The following CERS5 variants were observed in gnomAD, a reference collection of about 807,000 sequenced individuals.
The protein encoded by CERS5 is LAG1 homolog, ceramide synthase 5.
A neutral mutation model predicts 58.9 loss-of-function variants in CERS5; 37 were observed. The ratio of observed to expected loss-of-function variants is 0.63; its 90% CI spans 0.48 to 0.83. The LOEUF is 0.83. Ranked by LOEUF, CERS5 falls within the 40% of genes least tolerant of loss-of-function variation. CERS5 has a pLI of 0.00. For synonymous variants in CERS5, 147 were observed against 177.8 expected, an observed-to-expected ratio of 0.83 and a Z score of 1.38; for missense variants, 398 against 489.3, an observed-to-expected ratio of 0.81 and a Z score of 1.76.
chr12:50,134,719 A>C lies in CERS5; in HGVS notation c.873-17T>G. On this transcript the variant is annotated splice_polypyrimidine_tract_variant and intron_variant, in intron 8 of 9. Coordinates refer to ENST00000317551, the MANE Select transcript of CERS5 (RefSeq NM_147190.5). ...TTCAGAATCCTAGAAGAGGGAGGCC[A>C]ATAGTCAGATTCTAGAGTCAAAGCT... 6.2e-7 allele frequency: 1 copy of C among 1,607,052 alleles called. No homozygotes were observed. Among genetic ancestry groups the C allele is most frequent in the South Asian group, 1.1e-5 (1 of 90,478 alleles).
chr12:50,134,746 A>T (rs959824520), intron 8 of CERS5, 44 bp from the exon 9 acceptor site: 1 of 1,570,798 alleles, frequency 6.4e-7, no homozygotes, highest in Non-Finnish European at 8.7e-7. Context: ...GTCAAAGCTC[A>T]GCAGACAGGG....
chr12:50,154,280 G>T (rs1242825902), intron 1 of CERS5: 3 of 336,766 alleles, frequency 8.9e-6, no homozygotes, highest in Non-Finnish European at 1.8e-5. Flanking sequence ...TTGAACCAGG[G>T]AGTCGAAGGT....
chr12:50,138,502 G>T, intron 5 of CERS5, 65 bp downstream of exon 5: 1 of 1,340,860 alleles, frequency 7.5e-7, no homozygotes, highest in Non-Finnish European at 1.1e-6. Flanking sequence ...GACTGGCAAA[G>T]GACCCTCACT....
chr12:50,151,282 G>A (rs1318002584), intron 1 of CERS5, among the ~76,000 whole-genome samples: 5 of 152,164 alleles, frequency 3.3e-5, no homozygotes, highest in African/African-American at 1.2e-4. Flanking sequence ...ATGCTTTTCA[G>A]TCCTTTATCT....
At chr12:50,132,951 G>A (rs562918030) in intron 9 of CERS5, 100 of 1,288,878 alleles carry the variant, frequency 7.8e-5, no homozygotes, top group Middle Eastern at 4.2e-4. Flanking sequence ...TAGAAGCACA[G>A]ATACACTTAC....
At chr12:50,135,548 G>C in intron 8 of CERS5, 184 bp downstream of exon 8, 1 of 709,882 alleles carries the variant, frequency 1.4e-6, no homozygotes. Flanking sequence ...AGGCAGCAGA[G>C]GTCCTATGAG....
intron 1 of CERS5, among the ~76,000 whole-genome samples, chr12:50,155,650 T>C (rs1467436417): frequency 1.5e-5 from 2 of 137,200 alleles, no homozygotes; most frequent in African/African-American, 5.5e-5. Context: ...GGCAGGAGAA[T>C]GGCGTGAACC....
intron 9 of CERS5, among the ~76,000 whole-genome samples, chr12:50,131,503 G>T (rs1341713875): frequency 6.9e-6 from 1 of 145,794 alleles, no homozygotes; most frequent in Non-Finnish European, 1.5e-5. Context: ...AGGTTGCAGT[G>T]AGCTGAGATC....
Position 50,167,176 on chromosome 12 carries a change from T to TG in CERS5, c.121_122insC (p.Tyr41SerfsTer53). The TG allele has an allele frequency of 6.3e-7, 1 of 1,595,506 alleles. No individual in the cohort carries two copies. The highest frequency in any genetic ancestry group is 1.1e-5 in the South Asian group (1 of 90,076). ...CGAGAGGATGTGCCGGCCGCGGGGG[T>TG]AACCGTAGCCGTCGGCCGGCCCCTC... On this transcript the variant is annotated frameshift_variant, in exon 1 of 10. Transcript: ENST00000317551. LOFTEE classifies it high-confidence loss of function.
At chr12:50,132,943 G>A (rs1020164566) in intron 9 of CERS5, 1 of 1,288,834 alleles carries the variant, frequency 7.8e-7, no homozygotes, top group African/African-American at 1.5e-5. Flanking sequence ...CTGAATACTA[G>A]AAGCACAGAT....
chr12:50,142,187 C>A, intron 3 of CERS5, 77 bp from the exon 4 acceptor site: 1 of 928,346 alleles, frequency 1.1e-6, no homozygotes. Flanking sequence ...GTCAAGATAG[C>A]AAATTTGGGG....
At chr12:50,141,767 C>T (rs985006925) in intron 4 of CERS5, among the ~76,000 whole-genome samples, 2 of 151,784 alleles carry the variant, frequency 1.3e-5, no homozygotes, top group East Asian at 1.9e-4. Flanking sequence ...GGTGAAACCC[C>T]GTCTCTACTA....
At chr12:50,165,092 T>G (rs1032131182) in intron 1 of CERS5, 6 of 151,728 alleles carry the variant, frequency 4.0e-5, no homozygotes, top group Non-Finnish European at 7.4e-5. Flanking sequence ...GTGCCTCCAC[T>G]CCAGGATGAC....
rs1197474516 is a variant in CERS5, at chr12:50,156,437, T to TATATATATATATATATATATATAA, written c.197+10663_197+10664insTTATATATATATATATATATATAT. Among the ~76,000 whole-genome samples, 169 of 108,820 alleles carry TATATATATATATATATATATATAA rather than the reference T, an allele frequency of 1.6e-3. 15 individuals carry two copies. Among genetic ancestry groups the TATATATATATATATATATATATAA allele is most frequent in the Non-Finnish European group, 2.5e-3 (121 of 48,590 alleles). The allele number at this position is 108,820 out of a possible 152,430, so 71.4% of individuals were successfully genotyped here. A position where few individuals can be genotyped will look rare whatever the true frequency, so the allele number is the denominator to read the frequency against. ...CAAACAAACTATATATATATATATA[T>TATATATATATATATATATATATAA]AAAACAATTAGTAGCCAGGTGTGGT... On this transcript the variant is annotated intron_variant, in intron 1 of 9. Coordinates refer to ENST00000317551, the MANE Select transcript of CERS5 (RefSeq NM_147190.5).
intron 4 of CERS5, 123 bp from the exon 5 acceptor site, chr12:50,138,740 T>C: frequency 1.2e-6 from 1 of 804,676 alleles, no homozygotes; most frequent in East Asian, 2.4e-5. Context: ...CCCAAACAGA[T>C]TTTAGGGCTC....
rs765182768 is a variant in CERS5 at position 50,135,993 on chromosome 12, C to T, written c.713G>A (p.Arg238Gln). 5.9e-6 allele frequency: 9 copies of T among 1,522,154 alleles called. No homozygotes were observed. In the East Asian group the frequency reaches 6.8e-5, roughly 11 times the overall value. 94.3% of individuals were successfully genotyped at this position (1,522,154 alleles called of 1,614,324 possible). The change falls in exon 7 of 10, where the codon CGA (arginine) becomes CAA (glutamine). Residue 238 changes from arginine to glutamine, a missense_variant. Physicochemically the swap from Arg to Gln is conservative, Grantham distance 43. Transcript: ENST00000317551. ...TAGACACATGATCAGAGTTCCCACT[C>T]GAACCATATTGTTGATGTAGGAGAA... is the stretch of plus-strand genomic sequence containing the variant. ...ISFSYINNMV[R>Q]VGTLIMCLHD...
chr12:50,160,534 A>G (rs909331244), intron 1 of CERS5, among the ~76,000 whole-genome samples: 9 of 152,126 alleles, frequency 5.9e-5, no homozygotes. Context: ...AGCAGCGGTG[A>G]AAGCTCTCAG....
intron 8 of CERS5, among the ~76,000 whole-genome samples, chr12:50,135,205 AGGAGAGG>A (rs1420663578): frequency 2.3e-5 from 1 of 44,370 alleles, no homozygotes; most frequent in African/African-American, 1.1e-4. Context: ...AGAGAGAGAG[AGGAGAGG>A]GAGGGAGAGA....
chr12:50,134,305 G>T, intron 9 of CERS5: 1 of 986,074 alleles, frequency 1.0e-6, no homozygotes, highest in Non-Finnish European at 1.4e-6. Flanking sequence ...AAGCCCAGGT[G>T]TGAGGCTGCA....
Sources: allele counts gnomAD v4.1 joint callset (sites outside exome capture counted in the v4.1 genomes callset), GRCh38; gene constraint gnomAD v4.1.1; transcripts MANE v1.5; gene names NCBI Gene and HGNC (gene_info 2026-07-23, HGNC 2026-07-21).